The following FARS2 variants were observed in gnomAD, a reference collection of about 807,000 sequenced individuals.
FARS2 encodes phenylalanyl-tRNA synthetase 2, mitochondrial, also known as phenylalanine--tRNA ligase, mitochondrial.
A neutral mutation model predicts 46.4 loss-of-function variants in FARS2; 40 were observed. The observed-to-expected ratio is 0.86, with a 90% CI of 0.67 to 1.12. The LOEUF (loss-of-function observed/expected upper bound fraction) is 1.12, where lower values mean the gene tolerates loss of function less well. Among genes scored for constraint, FARS2 ranks in the 50% most tolerant of loss-of-function variants. The pLI is 0.00. For missense variants in FARS2, 513 were observed against 567.9 expected (o/e 0.90, Z 0.98); for synonymous variants, 234 against 214.9 (o/e 1.09, Z -0.78).
At chr6:5,769,830 A>G (rs550731953) in intron 6 of FARS2, among the ~76,000 whole-genome samples, 3 of 152,274 alleles carry the variant, frequency 2.0e-5, no homozygotes, top group Non-Finnish European at 4.4e-5. Flanking sequence ...GGGGCTGCAT[A>G]TGTGGCCAAA....
At chr6:5,313,036 GGA>G (rs1043486855) in intron 1 of FARS2, among the ~76,000 whole-genome samples, 6 of 152,014 alleles carry the variant, frequency 3.9e-5, no homozygotes, top group Non-Finnish European at 5.9e-5. Flanking sequence ...AGAAGGAGAG[GGA>G]GAGAGAGAAA....
At chr6:5,344,056 A>G (rs1239305767) in intron 1 of FARS2, among the ~76,000 whole-genome samples, 2 of 152,128 alleles carry the variant, frequency 1.3e-5, no homozygotes, top group Non-Finnish European at 2.9e-5. Flanking sequence ...TGTTCACCGC[A>G]ATGGATGCTT....
intron 1 of FARS2, among the ~76,000 whole-genome samples, chr6:5,355,368 CTTTTTGTTTTT>C (rs1757846477): frequency 7.0e-6 from 1 of 142,444 alleles, no homozygotes; most frequent in African/African-American, 2.6e-5. Context: ...TTAGGTTTTC[CTTTTTGTTTTT>C]TTTTTTTTTT....
intron 2 of FARS2, among the ~76,000 whole-genome samples, chr6:5,390,022 G>C (rs534692845): frequency 2.0e-5 from 3 of 151,990 alleles, no homozygotes; most frequent in Non-Finnish European, 4.4e-5. Context: ...GCGCCACCAC[G>C]CCAGGCTAAT....
chr6:5,688,515 G>A (rs9721223), intron 6 of FARS2, among the ~76,000 whole-genome samples: 23 of 152,158 alleles, frequency 1.5e-4, no homozygotes, highest in Non-Finnish European at 2.4e-4. Context: ...ATCGATTTGC[G>A]TATGTTGAAG....
intron 4 of FARS2, among the ~76,000 whole-genome samples, chr6:5,490,785 C>T (rs1767059586): frequency 6.6e-6 from 1 of 152,226 alleles, no homozygotes; most frequent in Non-Finnish European, 1.5e-5. Context: ...GGAACTGAGA[C>T]CTCTGGCCAA....
intron 5 of FARS2, among the ~76,000 whole-genome samples, chr6:5,573,971 T>C (rs1772808664): frequency 6.6e-6 from 1 of 152,188 alleles, no homozygotes; most frequent in African/African-American, 2.4e-5. Flanking sequence ...CTCACCAAAA[T>C]AATGGTGAAA....
intron 6 of FARS2, among the ~76,000 whole-genome samples, chr6:5,705,940 A>G (rs563286368): frequency 1.3e-5 from 2 of 152,250 alleles, no homozygotes; most frequent in East Asian, 3.9e-4. Context: ...GGTGATCATT[A>G]TCTTAGTCCT....
At chr6:5,283,100 T>TGCCGGGCGC in intron 1 of FARS2, among the ~76,000 whole-genome samples, 2 of 151,626 alleles carry the variant, frequency 1.3e-5, no homozygotes, top group African/African-American at 4.8e-5. Context: ...ATGCAGGATA[T>TGCCGGGCGC]GGTGGCCCAC....
chr6:5,762,958 A>C lies in FARS2; in HGVS notation c.1218-8333A>C, dbSNP rs374597952. Among the ~76,000 whole-genome samples, 43 of 152,308 alleles carry C rather than the reference A, an allele frequency of 2.8e-4. No individual in the cohort carries two copies. In the East Asian group the frequency reaches 5.6e-3, roughly 20 times the overall value. On this transcript the variant is annotated intron_variant, in intron 6 of 6. Transcript: ENST00000274680. ...CCCAGGACAGACCGTTGTGAGAACG[A>C]GGAGGAGAACCTCCTCTCCTCCTCT...
intron 4 of FARS2, chr6:5,431,610 A>G: frequency 1.9e-6 from 1 of 529,066 alleles, no homozygotes; most frequent in South Asian, 1.4e-5. Flanking sequence ...AATACACTAA[A>G]ACGCAGTGTA....
chr6:5,598,692 A>G (rs1439519015), intron 5 of FARS2, among the ~76,000 whole-genome samples: 3 of 152,186 alleles, frequency 2.0e-5, no homozygotes, highest in Admixed American at 6.5e-5. Flanking sequence ...CTTTAGCACT[A>G]TGGAGGTCAG....
intron 1 of FARS2, among the ~76,000 whole-genome samples, chr6:5,272,744 C>T (rs1766052643): frequency 6.6e-6 from 1 of 152,270 alleles, no homozygotes; most frequent in Non-Finnish European, 1.5e-5. Flanking sequence ...ATCCATCAGA[C>T]ACTAAGTCTT....
intron 6 of FARS2, among the ~76,000 whole-genome samples, chr6:5,684,820 G>A (rs1201045095): frequency 1.3e-5 from 2 of 152,160 alleles, no homozygotes; most frequent in African/African-American, 2.4e-5. Flanking sequence ...TATTATGTTT[G>A]TGAAAGGACT....
chr6:5,355,124 T>A (rs1295032660), intron 1 of FARS2, among the ~76,000 whole-genome samples: 1 of 152,148 alleles, frequency 6.6e-6, no homozygotes, highest in East Asian at 1.9e-4. Flanking sequence ...GTATCCTACT[T>A]CCTGTAGCTC....
chr6:5,525,887 A>G (rs922362699), intron 4 of FARS2, among the ~76,000 whole-genome samples: 2 of 152,274 alleles, frequency 1.3e-5, no homozygotes, highest in Admixed American at 6.5e-5. Flanking sequence ...TAACAGGAAG[A>G]CTACAAATGT....
intron 1 of FARS2, among the ~76,000 whole-genome samples, chr6:5,287,030 C>T (rs76187474): frequency 0.012 from 1,778 of 152,330 alleles, 29 homozygotes; most frequent in African/African-American, 0.04. Context: ...TGGCCATTGC[C>T]CCGTGGCTTG....
In FARS2 at chr6:5,451,051, G is replaced by A. The variant is rs558080355; in HGVS notation, c.904+19879G>A. Reference sequence around the variant, plus strand: ...TTGGAGGTGCTGTAAACACTTCAGGGTTTTCTAGGCCACTGCTCATTCCTA... The same window carrying A: ...TTGGAGGTGCTGTAAACACTTCAGGATTTTCTAGGCCACTGCTCATTCCTA... On this transcript the variant is annotated intron_variant, in intron 4 of 6. Transcript: ENST00000274680. Among the ~76,000 whole-genome samples the A allele has an allele frequency of 6.6e-5, 10 of 152,168 alleles. No homozygotes were observed. The South Asian group carries it at 2.1e-3, about 32-fold the overall frequency.
At chr6:5,514,151 A>G (rs1768639731) in intron 4 of FARS2, among the ~76,000 whole-genome samples, 1 of 152,038 alleles carries the variant, frequency 6.6e-6, no homozygotes, top group South Asian at 2.1e-4. Flanking sequence ...GTTGTAGTTT[A>G]AAGAAATATT....
Sources: gnomAD v4.1 joint callset for allele counts (sites outside exome capture counted in the v4.1 genomes callset) on GRCh38, gnomAD v4.1.1 for gene constraint, MANE v1.5 for transcripts, NCBI Gene and HGNC (gene_info 2026-07-23, HGNC 2026-07-21) for gene names.